The following ANP32A variants were observed in gnomAD, a reference collection of about 807,000 sequenced individuals.
ANP32A encodes the protein acidic nuclear phosphoprotein 32 family member A, also known as acidic leucine-rich nuclear phosphoprotein 32 family member A.
A neutral mutation model predicts 33.9 loss-of-function variants in ANP32A; 1 was observed. That is an observed-to-expected ratio of 0.03 (90% CI 0.01 to 0.14). The LOEUF is 0.14. Among genes scored for constraint, ANP32A ranks in the 10% least tolerant of loss-of-function variants. ANP32A has a pLI of 1.00. For missense variants in ANP32A, 155 were observed against 306.0 expected, an observed-to-expected ratio of 0.51 and a Z score of 3.68; for synonymous variants, 115 against 120.5, an observed-to-expected ratio of 0.95 and a Z score of 0.30.
At chr15:68,819,479 A>G (rs1342250948) in intron 1 of ANP32A, among the ~76,000 whole-genome samples, 1 of 152,210 alleles carries the variant, frequency 6.6e-6, no homozygotes, top group Admixed American at 6.5e-5. Context: ...TGCCCAATCA[A>G]TAACGGCGGC....
At position 68,780,384 on chromosome 15, in the gene ANP32A, A is replaced by C. The variant is rs1247997140; in HGVS notation, c.688+26T>G. On this transcript the variant is annotated intron_variant, in intron 6 of 6. Coordinates refer to ENST00000465139, the MANE Select transcript of ANP32A (RefSeq NM_006305.4). This position sits in a 1 kb window ranked among gnomAD's most constrained non-coding sequence, Gnocchi z 4.3. ...AAAGTGAAAGGGCCAGGCTGCTACC[A>C]GCTGAGAGTAAAAAGGCTGCCATAC... The C allele has an allele frequency of 1.2e-6, 2 of 1,613,880 alleles. No homozygotes were observed. The highest frequency in any genetic ancestry group is 1.7e-6 in the Non-Finnish European group (2 of 1,179,880).
chr15:68,820,197 C>T (rs1567041886), intron 1 of ANP32A, among the ~76,000 whole-genome samples: 1 of 151,596 alleles, frequency 6.6e-6, no homozygotes, highest in Non-Finnish European at 1.5e-5. Flanking sequence ...AGCGAGCGAG[C>T]GAGAGAAAGG....
chr15:68,806,617 C>A (rs375318112), intron 1 of ANP32A, among the ~76,000 whole-genome samples: 1 of 152,224 alleles, frequency 6.6e-6, no homozygotes, highest in African/African-American at 2.4e-5. Flanking sequence ...ATAAACTAGA[C>A]AAGGGCTAAA....
At chr15:68,786,200 G>C (rs1025522515) in intron 3 of ANP32A, among the ~76,000 whole-genome samples, 4 of 149,702 alleles carry the variant, frequency 2.7e-5, no homozygotes, top group Non-Finnish European at 5.9e-5. Context: ...GTGGCCAATT[G>C]TCCTCCTGGC....
At chr15:68,784,027 A>C (rs1893902697) in intron 4 of ANP32A, among the ~76,000 whole-genome samples, 1 of 152,090 alleles carries the variant, frequency 6.6e-6, no homozygotes, top group Admixed American at 6.5e-5. Flanking sequence ...CTACAGAAAG[A>C]CTGTAGAATC....
intron 1 of ANP32A, among the ~76,000 whole-genome samples, chr15:68,797,085 C>G (rs116128510): frequency 0.011 from 1,618 of 152,144 alleles, 20 homozygotes; most frequent in African/African-American, 0.038. Context: ...TATCAGCACC[C>G]CCAAAATAAG....
At chr15:68,808,252 C>T (rs1012791844) in intron 1 of ANP32A, among the ~76,000 whole-genome samples, 1 of 152,176 alleles carries the variant, frequency 6.6e-6, no homozygotes, top group African/African-American at 2.4e-5. Flanking sequence ...TGGGGCACCA[C>T]CCTCAGAGAC....
At position 68,780,337 on chromosome 15, in the gene ANP32A, T is replaced by C. The variant is rs1893851204; in HGVS notation, c.688+73A>G. On this transcript the variant is annotated intron_variant, in intron 6 of 6. Coordinates refer to ENST00000465139, the MANE Select transcript of ANP32A (RefSeq NM_006305.4). The surrounding 1 kb of genome is among the most constrained non-coding windows in gnomAD (Gnocchi z 4.3). ...TGTCCTGCCCACTGCCAGGGGCCTC[T>C]GAGTCTAAGCAATCTAAGGCCAAAG... The C allele has an allele frequency of 6.2e-7, 1 of 1,609,830 alleles. No individual in the cohort carries two copies. Among genetic ancestry groups the C allele is most frequent in the East Asian group, 2.2e-5 (1 of 44,856 alleles).
At chr15:68,782,922 C>A in intron 5 of ANP32A, 34 bp downstream of exon 5, 1 of 1,550,252 alleles carries the variant, frequency 6.5e-7, no homozygotes, top group Admixed American at 2.0e-5. Context: ...CTCAAAGGGG[C>A]AGACGGTGGC....
At chr15:68,813,345 A>T (rs1894337375) in intron 1 of ANP32A, among the ~76,000 whole-genome samples, 1 of 152,240 alleles carries the variant, frequency 6.6e-6, no homozygotes, top group Admixed American at 6.5e-5. Flanking sequence ...ATGTCTGAGA[A>T]GGTGGCTCAG....
intron 1 of ANP32A, among the ~76,000 whole-genome samples, chr15:68,796,310 AC>A (rs1567036402): frequency 6.6e-6 from 1 of 151,870 alleles, no homozygotes; most frequent in Non-Finnish European, 1.5e-5. Flanking sequence ...TCAACTCCTG[AC>A]CTCATGTGAT....
intron 1 of ANP32A, among the ~76,000 whole-genome samples, chr15:68,800,132 T>C (rs1201108933): frequency 6.6e-6 from 1 of 152,186 alleles, no homozygotes; most frequent in African/African-American, 2.4e-5. Context: ...GCTTATTAGA[T>C]GAATTAATAA....
chr15:68,816,794 C>G (rs1469254841), intron 1 of ANP32A, among the ~76,000 whole-genome samples: 1 of 152,160 alleles, frequency 6.6e-6, no homozygotes. Flanking sequence ...TGTGTAATTC[C>G]TAAGCCCATC....
At chr15:68,805,890 AG>A (rs1567038676) in intron 1 of ANP32A, among the ~76,000 whole-genome samples, 2 of 152,216 alleles carry the variant, frequency 1.3e-5, no homozygotes, top group African/African-American at 4.8e-5. Flanking sequence ...GCGGAACAGA[AG>A]CCCCACAAGA....
chr15:68,796,508 C>T (rs1171962384), intron 1 of ANP32A, among the ~76,000 whole-genome samples: 2 of 152,240 alleles, frequency 1.3e-5, no homozygotes, highest in Non-Finnish European at 2.9e-5. Flanking sequence ...AGCCACCACA[C>T]CCAGCCGCAG....
At chr15:68,808,795 G>A (rs748176216) in intron 1 of ANP32A, among the ~76,000 whole-genome samples, 1 of 152,142 alleles carries the variant, frequency 6.6e-6, no homozygotes, top group Non-Finnish European at 1.5e-5. Flanking sequence ...TAGTTCTCAC[G>A]AATTCTACAG....
chr15:68,788,487 C>T (rs1277997128), intron 1 of ANP32A, among the ~76,000 whole-genome samples: 1 of 152,186 alleles, frequency 6.6e-6, no homozygotes, highest in East Asian at 1.9e-4. Flanking sequence ...TCCTCCAGCT[C>T]TCCCACCTCT....
chr15:68,781,005 G>T (rs1893859768), intron 5 of ANP32A: 1 of 155,066 alleles, frequency 6.4e-6, no homozygotes, highest in Non-Finnish European at 1.4e-5. Flanking sequence ...CCACCTGGAA[G>T]GGTTGGGGAA....
rs750627854 is a variant in ANP32A, at chr15:68,820,674, G to C, written c.54+24C>G. On this transcript the variant is annotated intron_variant, in intron 1 of 6. Transcript: ENST00000465139. The stretch of plus-strand genomic sequence containing the variant: ...CACAAAGTAGGAGAATGGACCGACA[G>C]AGATATTTTTGGCAAATGCTCACAT... 7.7e-6 allele frequency: 12 copies of C among 1,561,726 alleles called. No individual in the cohort carries two copies. The Admixed American group carries it at 1.2e-4, about 16-fold the overall frequency.
Sources: allele counts gnomAD v4.1 joint callset (sites outside exome capture counted in the v4.1 genomes callset), GRCh38; gene constraint gnomAD v4.1.1; non-coding constraint Gnocchi (gnomAD v3.1); transcripts MANE v1.5; gene names NCBI Gene and HGNC (gene_info 2026-07-23, HGNC 2026-07-21).